The following VAMP8 variants were observed in gnomAD, a reference collection of about 807,000 sequenced individuals.
The protein encoded by VAMP8 is vesicle-associated membrane protein 8.
In VAMP8, 9 loss-of-function variants were observed where a neutral mutation model predicts 11.4. That is an observed-to-expected ratio of 0.79 (90% CI 0.48 to 1.38). VAMP8 has a LOEUF of 1.38. Among genes scored for constraint, VAMP8 ranks in the 40% most tolerant of loss-of-function variants. The pLI, the probability that VAMP8 is intolerant of heterozygous loss-of-function variation, is 0.00. For missense variants in VAMP8, 108 were observed against 127.8 expected, an observed-to-expected ratio of 0.85 and a Z score of 0.75; for synonymous variants, 42 against 44.7, an observed-to-expected ratio of 0.94 and a Z score of 0.24.
chr2:85,580,565 G>A (rs765752992), intron 2 of VAMP8, among the ~76,000 whole-genome samples: 1 of 152,010 alleles, frequency 6.6e-6, no homozygotes, highest in Non-Finnish European at 1.5e-5. Context: ...GTCATATCTA[G>A]GTGGAGACCT....
At chr2:85,578,225 A>G (rs1470902542) in intron 1 of VAMP8, among the ~76,000 whole-genome samples, 1 of 152,184 alleles carries the variant, frequency 6.6e-6, no homozygotes, top group Non-Finnish European at 1.5e-5. Flanking sequence ...TTGGAGGTCA[A>G]GCGGGGAGGA....
intron 2 of VAMP8, chr2:85,579,962 T>A (rs948926334): frequency 5.3e-5 from 77 of 1,448,956 alleles, no homozygotes; most frequent in Middle Eastern, 2.5e-4. Flanking sequence ...CCGGGAATTT[T>A]TTTTTTTTTT....
rs778839494 is a variant in VAMP8 at position 85,579,000 on chromosome 2, G to A, written c.4-9G>A. 2 of 1,598,120 alleles carry A rather than the reference G, an allele frequency of 1.3e-6. No individual in the cohort carries two copies. Among genetic ancestry groups the A allele is most frequent in the Admixed American group, 3.4e-5 (2 of 58,358 alleles). On this transcript the variant is annotated splice_polypyrimidine_tract_variant and intron_variant, in intron 1 of 2. Coordinates refer to ENST00000263864, the MANE Select transcript of VAMP8 (RefSeq NM_003761.5). ...CACTTGGTCTAATTAACCCCGTGTT[G>A]CCGCACAGGAGGAAGCCAGTGAAGG... is the stretch of plus-strand genomic sequence containing the variant.
chr2:85,580,999 T>C (rs2104032653), intron 2 of VAMP8, among the ~76,000 whole-genome samples: 1 of 152,132 alleles, frequency 6.6e-6, no homozygotes, highest in Non-Finnish European at 1.5e-5. Context: ...GTTTGTTACC[T>C]CAGCTTACAG....
At chr2:85,581,462 A>G in intron 2 of VAMP8, 114 bp from the exon 3 acceptor site, 5 of 1,268,492 alleles carry the variant, frequency 3.9e-6, no homozygotes, top group Non-Finnish European at 5.4e-6. Flanking sequence ...ACAGAGCGAG[A>G]CTCCATCTCA....
chr2:85,581,484 AAAG>A, intron 2 of VAMP8, 89 bp from the exon 3 acceptor site: 4 of 1,505,572 alleles, frequency 2.7e-6, no homozygotes, highest in Non-Finnish European at 1.8e-6. Flanking sequence ...AAAAAAAAAA[AAAG>A]TATGGCCTGT....
chr2:85,581,597 T>G lies in VAMP8; in HGVS notation c.184T>G (p.Ser62Ala). The G allele has an allele frequency of 6.2e-7, 1 of 1,614,142 alleles. No homozygotes were observed. The highest frequency in any genetic ancestry group is 8.5e-7 in the Non-Finnish European group (1 of 1,180,034). Residue 62 changes from serine to alanine, a missense_variant, in exon 3 of 3, where the codon TCG (serine) becomes GCG (alanine). Coordinates refer to ENST00000263864, the MANE Select transcript of VAMP8 (RefSeq NM_003761.5). ...EATSEHFKTT[S>A]QKVARKFWWK... ...ACAGTCTGAGCACTTCAAGACGACA[T>G]CGCAGAAGGTGGCTCGAAAATTCTG...
rs1045962196 is a variant in VAMP8, at chr2:85,581,765, C to A, written c.*49C>A. Reference sequence around the variant, plus strand: ...GCCCTTCTCTTCAGGGACAACCCTCCATAAATGTGTGCCAAGAGGGTCTCC... The same window carrying A: ...GCCCTTCTCTTCAGGGACAACCCTCAATAAATGTGTGCCAAGAGGGTCTCC... On this transcript the variant is annotated 3_prime_UTR_variant, in exon 3 of 3. Coordinates refer to ENST00000263864, the MANE Select transcript of VAMP8 (RefSeq NM_003761.5). 1 of 1,609,244 alleles carries A rather than the reference C, an allele frequency of 6.2e-7. No individual in the cohort carries two copies. Among genetic ancestry groups the A allele is most frequent in the Admixed American group, 1.7e-5 (1 of 59,650 alleles).
intron 2 of VAMP8, chr2:85,579,832 T>C (rs959719433): frequency 6.4e-7 from 1 of 1,550,692 alleles, no homozygotes; most frequent in Non-Finnish European, 8.7e-7. Flanking sequence ...GCGGGGAGGC[T>C]GGCTCTGGCT....
chr2:85,581,471 CAA>C (rs11326680), intron 2 of VAMP8, 103 bp from the exon 3 acceptor site: 51,530 of 1,217,624 alleles, frequency 0.042, no homozygotes, highest in South Asian at 0.05. Flanking sequence ...GACTCCATCT[CAA>C]AAAAAAAAAA....
rs1672325442 is a variant in VAMP8 at position 85,579,009 on chromosome 2, G to C, written c.4G>C (p.Glu2Gln). Residue 2 changes from glutamate (E) to glutamine (Q), a missense_variant and splice_region_variant, in exon 2 of 3, where the codon GAG becomes CAG. Physicochemically the swap from Glu to Gln is conservative, Grantham distance 29 (BLOSUM62 2). Transcript: ENST00000263864. ...TAATTAACCCCGTGTTGCCGCACAGGAGGAAGCCAGTGAAGGTGGAGGAAA... is the reference window on the plus strand; with the variant it reads ...TAATTAACCCCGTGTTGCCGCACAGCAGGAAGCCAGTGAAGGTGGAGGAAA... M[E>Q]EASEGGGNDR... The C allele has an allele frequency of 6.2e-7, 1 of 1,602,044 alleles. No individual in the cohort carries two copies.
At chr2:85,581,438 C>A in intron 2 of VAMP8, 138 bp from the exon 3 acceptor site, 1 of 1,080,312 alleles carries the variant, frequency 9.3e-7, no homozygotes, top group Non-Finnish European at 1.3e-6. Context: ...CAAGATCGAG[C>A]CACTGCCTGA....
intron 2 of VAMP8, among the ~76,000 whole-genome samples, chr2:85,580,969 A>G (rs1387496945): frequency 6.6e-6 from 1 of 150,922 alleles, no homozygotes; most frequent in East Asian, 2.0e-4. Context: ...GCACCCGGCC[A>G]GAGCATCTTT....
At chr2:85,578,015 A>T (rs1459690267) in intron 1 of VAMP8, among the ~76,000 whole-genome samples, 1 of 152,174 alleles carries the variant, frequency 6.6e-6, no homozygotes, top group Non-Finnish European at 1.5e-5. Context: ...CCCAGTTCAG[A>T]TTCCAGCCCA....
chr2:85,577,966 G>A (rs1672308738), intron 1 of VAMP8, among the ~76,000 whole-genome samples: 1 of 152,186 alleles, frequency 6.6e-6, no homozygotes, highest in Non-Finnish European at 1.5e-5. Flanking sequence ...AGCCCGAGGC[G>A]GGTGTTGTGA....
At position 85,579,044 on chromosome 2, in the gene VAMP8, G is replaced by T; in HGVS notation, c.39G>T (p.Val13=). ...EASEGGGNDR[V]RNLQSEVEGV... is the part of the protein sequence containing the mutation. ...GTGAAGGTGGAGGAAATGATCGTGT[G>T]CGGAACCTGCAAAGTGAGGTGGAGG... Residue 13 remains valine, a synonymous_variant, in exon 2 of 3, where the codon GTG becomes GTT. Transcript: ENST00000263864. 3 of 1,607,916 alleles carry T rather than the reference G, an allele frequency of 1.9e-6. No homozygotes were observed. Among genetic ancestry groups the T allele is most frequent in the Non-Finnish European group, 2.5e-6 (3 of 1,176,696 alleles).
intron 2 of VAMP8, among the ~76,000 whole-genome samples, chr2:85,580,752 C>T (rs920880420): frequency 9.3e-5 from 14 of 150,138 alleles, no homozygotes; most frequent in African/African-American, 2.7e-4. Context: ...CTGCAACCTC[C>T]GCCTCCCAGG....
intron 2 of VAMP8, chr2:85,579,953 C>T (rs567150141): frequency 1.9e-5 from 28 of 1,480,762 alleles, no homozygotes; most frequent in South Asian, 4.1e-5. Context: ...AGCATGGCCC[C>T]GGGAATTTTT....
chr2:85,578,326 C>A (rs1022093251), intron 1 of VAMP8, among the ~76,000 whole-genome samples: 1 of 152,106 alleles, frequency 6.6e-6, no homozygotes, highest in Non-Finnish European at 1.5e-5. Flanking sequence ...TCCTCCATTT[C>A]CCCCAACACC....
Sources: allele counts gnomAD v4.1 joint callset (sites outside exome capture counted in the v4.1 genomes callset), GRCh38; gene constraint gnomAD v4.1.1; transcripts MANE v1.5; gene names NCBI Gene and HGNC (gene_info 2026-07-23, HGNC 2026-07-21).